The following DNAJC17 variants were observed in gnomAD, a reference collection of about 807,000 sequenced individuals.
DNAJC17 encodes the protein dnaJ homolog subfamily C member 17.
A neutral mutation model predicts 48.1 loss-of-function variants in DNAJC17; 35 were observed. That is an observed-to-expected ratio of 0.73 (90% CI 0.56 to 0.96). DNAJC17 has a LOEUF of 0.96. Ranked by LOEUF, DNAJC17 falls within the 50% of genes least tolerant of loss-of-function variation. DNAJC17 has a pLI of 0.00. For missense variants in DNAJC17, 355 were observed against 377.1 expected, an observed-to-expected ratio of 0.94 and a Z score of 0.48; for synonymous variants, 117 against 142.7, an observed-to-expected ratio of 0.82 and a Z score of 1.28.
intron 1 of DNAJC17, among the ~76,000 whole-genome samples, chr15:40,792,013 G>A (rs1389726757): frequency 6.6e-6 from 1 of 152,170 alleles, no homozygotes; most frequent in Admixed American, 6.6e-5. Flanking sequence ...AGAATCAAGT[G>A]TAACCACCCT....
intron 1 of DNAJC17, among the ~76,000 whole-genome samples, chr15:40,799,015 A>G (rs1003223981): frequency 6.6e-6 from 1 of 151,856 alleles, no homozygotes; most frequent in Non-Finnish European, 1.5e-5. Flanking sequence ...GTGAGGAGAT[A>G]GAGACCATCC....
Position 40,770,999 on chromosome 15 carries a change from G to C in DNAJC17, c.792+2728C>G, listed in dbSNP as rs988358573. On this transcript the variant is annotated intron_variant, in intron 10 of 10. Coordinates refer to ENST00000220496, the MANE Select transcript of DNAJC17 (RefSeq NM_018163.3). The surrounding 1 kb of genome is among the most constrained non-coding windows in gnomAD (Gnocchi z 5.0). ...AAGTTCTGCAGATGCTAAGGGAGCAGTTTCCTAGCGAGCCCAGCTTCTAAA... is the reference window on the plus strand; with the variant it reads ...AAGTTCTGCAGATGCTAAGGGAGCACTTTCCTAGCGAGCCCAGCTTCTAAA... 3 of 1,550,884 alleles carry C rather than the reference G, an allele frequency of 1.9e-6. No individual in the cohort carries two copies. Among genetic ancestry groups the C allele is most frequent in the Non-Finnish European group, 2.6e-6 (3 of 1,146,888 alleles).
At chr15:40,802,316 C>A (rs896895604) in intron 1 of DNAJC17, among the ~76,000 whole-genome samples, 1 of 151,988 alleles carries the variant, frequency 6.6e-6, no homozygotes, top group Non-Finnish European at 1.5e-5. Flanking sequence ...ACTACAGGCA[C>A]GTGCCACCGC....
chr15:40,774,197 T>C (rs1889250035), intron 9 of DNAJC17, 159 bp downstream of exon 9: 5 of 780,802 alleles, frequency 6.4e-6, no homozygotes, highest in East Asian at 4.9e-5. Context: ...GTGCCTCTAT[T>C]TCCAGGAGTC....
intron 2 of DNAJC17, 151 bp from the exon 3 acceptor site, chr15:40,779,754 C>A: frequency 9.2e-7 from 1 of 1,087,138 alleles, no homozygotes; most frequent in Non-Finnish European, 1.3e-6. Flanking sequence ...GAGGGGTGAG[C>A]ATATCAGCAA....
At chr15:40,773,962 G>A in intron 9 of DNAJC17, 125 bp from the exon 10 acceptor site, 5 of 822,300 alleles carry the variant, frequency 6.1e-6, no homozygotes, top group Non-Finnish European at 9.5e-6. Context: ...AACCTCAGCA[G>A]CCTTCAAGTG....
At chr15:40,790,334 G>A (rs1889765700) in intron 1 of DNAJC17, among the ~76,000 whole-genome samples, 1 of 152,190 alleles carries the variant, frequency 6.6e-6, no homozygotes, top group Non-Finnish European at 1.5e-5. Context: ...AACACTTTGG[G>A]AGGCTGAGGC....
At chr15:40,790,489 G>A (rs541624721) in intron 1 of DNAJC17, among the ~76,000 whole-genome samples, 71 of 152,164 alleles carry the variant, frequency 4.7e-4, no homozygotes, top group Non-Finnish European at 9.1e-4. Flanking sequence ...TGAGGTATGA[G>A]AATCACTTGA....
intron 1 of DNAJC17, among the ~76,000 whole-genome samples, chr15:40,792,092 C>A (rs1013623636): frequency 1.3e-5 from 2 of 152,188 alleles, no homozygotes; most frequent in African/African-American, 4.8e-5. Flanking sequence ...AACCCTAGGC[C>A]ATGCCCATTC....
In DNAJC17 at chr15:40,767,631, C is replaced by T. The variant is rs1410022936; in HGVS notation, c.*309G>A. On this transcript the variant is annotated 3_prime_UTR_variant, in exon 11 of 11. Transcript: ENST00000220496. ...TGTTCCTCGGGCAGCTGCCCCGGGC[C>T]GGAGCTGGGCACTCCAGCGGCCCTG... The T allele has an allele frequency of 1.2e-5, 7 of 576,940 alleles. No individual in the cohort carries two copies. Among genetic ancestry groups the T allele is most frequent in the Non-Finnish European group, 2.1e-5 (7 of 340,484 alleles). 35.7% of individuals were successfully genotyped at this position (576,940 alleles called of 1,614,324 possible). A position where few individuals can be genotyped will look rare whatever the true frequency, so the allele number is the denominator to read the frequency against.
At chr15:40,790,950 C>A (rs961711200) in intron 1 of DNAJC17, among the ~76,000 whole-genome samples, 4 of 152,080 alleles carry the variant, frequency 2.6e-5, no homozygotes, top group African/African-American at 4.8e-5. Context: ...ACTTAGAGAC[C>A]AGCTGCTAGA....
intron 1 of DNAJC17, chr15:40,780,291 C>T (rs1198459595): frequency 1.8e-6 from 1 of 567,980 alleles, no homozygotes; most frequent in East Asian, 4.1e-5. Context: ...GCTTTCTCGA[C>T]AGCCACTCGA....
At chr15:40,798,036 AC>A in intron 1 of DNAJC17, among the ~76,000 whole-genome samples, 1 of 152,246 alleles carries the variant, frequency 6.6e-6, no homozygotes, top group Non-Finnish European at 1.5e-5. Context: ...CAAATTTCTA[AC>A]CCACATTCAT....
At chr15:40,791,848 AAAAAC>A (rs933015424) in intron 1 of DNAJC17, among the ~76,000 whole-genome samples, 1 of 152,208 alleles carries the variant, frequency 6.6e-6, no homozygotes, top group Non-Finnish European at 1.5e-5. Flanking sequence ...TCCATCTGAA[AAAAAC>A]AAAACAAAAC....
At chr15:40,775,731 G>A in intron 6 of DNAJC17, 135 bp from the exon 7 acceptor site, 1 of 897,406 alleles carries the variant, frequency 1.1e-6, no homozygotes, top group Non-Finnish European at 1.8e-6. Context: ...CAGCTCTGGT[G>A]AGGGCCTGGT....
intron 6 of DNAJC17, 43 bp downstream of exon 6, chr15:40,776,153 G>C: frequency 6.3e-7 from 1 of 1,595,686 alleles, no homozygotes; most frequent in East Asian, 2.2e-5. Context: ...GAGCAATCTG[G>C]AGCTACCTTG....
intron 1 of DNAJC17, among the ~76,000 whole-genome samples, chr15:40,788,628 G>A (rs1418191183): frequency 1.3e-5 from 2 of 151,282 alleles, no homozygotes; most frequent in East Asian, 2.0e-4. Flanking sequence ...CCCGGGAGGC[G>A]GAGCTTGCAG....
intron 1 of DNAJC17, among the ~76,000 whole-genome samples, chr15:40,794,856 T>A (rs1306033261): frequency 1.3e-5 from 2 of 151,980 alleles, no homozygotes; most frequent in African/African-American, 4.8e-5. Flanking sequence ...TAGCTGGGAT[T>A]ATAGGCGCCT....
intron 10 of DNAJC17, 110 bp downstream of exon 10, chr15:40,773,617 C>T: frequency 1.2e-6 from 1 of 819,012 alleles, no homozygotes; most frequent in Non-Finnish European, 1.9e-6. Flanking sequence ...ACCTGCCAAG[C>T]TCACTCTAGG....
Sources: gnomAD v4.1 joint callset for allele counts (sites outside exome capture counted in the v4.1 genomes callset) on GRCh38, gnomAD v4.1.1 for gene constraint, Gnocchi (gnomAD v3.1) non-coding constraint, MANE v1.5 for transcripts, NCBI Gene and HGNC (gene_info 2026-07-23, HGNC 2026-07-21) for gene names.